The following ERG variants were observed in gnomAD, a reference collection of about 807,000 sequenced individuals.
ERG encodes the protein ETS transcription factor ERG, also known as transcriptional regulator ERG.
ERG carries 9 observed loss-of-function variants against 55.3 expected under a neutral mutation model. The ratio of observed to expected loss-of-function variants is 0.16; its 90% CI spans 0.10 to 0.28. The LOEUF is 0.28. ERG is among the 10% of genes least tolerant of loss of function. The pLI, the probability that ERG is intolerant of heterozygous loss-of-function variation, is 1.00. For synonymous variants in ERG, 223 were observed against 237.3 expected, an observed-to-expected ratio of 0.94 and a Z score of 0.55; for missense variants, 434 against 631.6, an observed-to-expected ratio of 0.69 and a Z score of 3.35.
At chr21:38,370,417 C>A in the ERG span, among the ~76,000 whole-genome samples, 3 of 152,034 alleles carry the variant, frequency 2.0e-5, no homozygotes, top group Non-Finnish European at 4.4e-5. Flanking sequence ...AATTTAAACA[C>A]CCTTAATGTT....
At chr21:38,618,275 T>C (rs552344546) in intron 1 of ERG, among the ~76,000 whole-genome samples, 3,790 of 152,236 alleles carry the variant, frequency 0.025, 47 homozygotes, top group East Asian at 0.05. Context: ...GGGCAGATGA[T>C]CATCTCGGAA....
intron 2 of ERG, among the ~76,000 whole-genome samples, chr21:38,530,358 C>T (rs2146770177): frequency 6.6e-6 from 1 of 152,222 alleles, no homozygotes; most frequent in Non-Finnish European, 1.5e-5. Context: ...CTGCGTCCAG[C>T]AAGAATGAGG....
intron 1 of ERG, among the ~76,000 whole-genome samples, chr21:38,621,946 GGAGACA>G (rs1212111210): frequency 6.6e-6 from 1 of 152,206 alleles, no homozygotes; most frequent in Non-Finnish European, 1.5e-5. Flanking sequence ...CGAAGTTACA[GGAGACA>G]GAGGCTCTCT....
intron 2 of ERG, among the ~76,000 whole-genome samples, chr21:38,535,157 T>C (rs1231891808): frequency 6.6e-6 from 1 of 152,012 alleles, no homozygotes; most frequent in African/African-American, 2.4e-5. Flanking sequence ...AAGGACATTA[T>C]GCTGCGTGAA....
At chr21:38,394,356 C>CTTT (rs903246496) in intron 6 of ERG, among the ~76,000 whole-genome samples, 1 of 139,850 alleles carries the variant, frequency 7.2e-6, no homozygotes, top group Non-Finnish European at 1.5e-5. Flanking sequence ...TGTTTATTAT[C>CTTT]TTTTTTTTTT....
chr21:38,370,784 G>C, the ERG span, among the ~76,000 whole-genome samples: 1 of 151,616 alleles, frequency 6.6e-6, no homozygotes, highest in Non-Finnish European at 1.5e-5. Flanking sequence ...TGTCTCTTTT[G>C]AGCCATCCAT....
At chr21:38,489,073 T>G (rs1424359200) in intron 1 of ERG, among the ~76,000 whole-genome samples, 1 of 152,170 alleles carries the variant, frequency 6.6e-6, no homozygotes, top group Non-Finnish European at 1.5e-5. Flanking sequence ...CATCAGTGCG[T>G]CTCTGGTTGG....
At chr21:38,612,054 A>G (rs1391617586) in intron 1 of ERG, among the ~76,000 whole-genome samples, 1 of 152,224 alleles carries the variant, frequency 6.6e-6, no homozygotes, top group Non-Finnish European at 1.5e-5. Context: ...GCTCTAGCTC[A>G]TAAATAGGAG....
At chr21:38,566,779 T>C (rs2059925599) in intron 2 of ERG, among the ~76,000 whole-genome samples, 1 of 152,238 alleles carries the variant, frequency 6.6e-6, no homozygotes, top group South Asian at 2.1e-4. Context: ...TGTTGATAAC[T>C]ATCAATTATC....
chr21:38,646,438 T>C (rs1008796888), intron 1 of ERG, among the ~76,000 whole-genome samples: 1 of 152,162 alleles, frequency 6.6e-6, no homozygotes, highest in African/African-American at 2.4e-5. Context: ...GGACTGCAGG[T>C]GATGAGGAGA....
chr21:38,421,141 A>G (rs1016012143), intron 3 of ERG, among the ~76,000 whole-genome samples: 1 of 152,192 alleles, frequency 6.6e-6, no homozygotes, highest in African/African-American at 2.4e-5. Flanking sequence ...CAACAGGAAC[A>G]GCCCCCTGTT....
In ERG at chr21:38,383,330, T is replaced by C; in HGVS notation, c.*73A>G. 4 of 1,369,906 alleles carry C rather than the reference T, an allele frequency of 2.9e-6. No homozygotes were observed. Among genetic ancestry groups the C allele is most frequent in the Non-Finnish European group, 3.8e-6 (4 of 1,055,316 alleles). 84.9% of individuals were successfully genotyped at this position (1,369,906 alleles called of 1,614,324 possible). A position where few individuals can be genotyped will look rare whatever the true frequency, so the allele number is the denominator to read the frequency against. Reference sequence around the variant, plus strand: ...TCATTCCTCTTGAGGCACTTTTGATTCATGTTCTCCGATAGAGTTTGTGGC... The same window carrying C: ...TCATTCCTCTTGAGGCACTTTTGATCCATGTTCTCCGATAGAGTTTGTGGC... On this transcript the variant is annotated 3_prime_UTR_variant, in exon 10 of 10. Transcript: ENST00000288319. This position sits in a 1 kb window ranked among gnomAD's most constrained non-coding sequence, Gnocchi z 5.7.
At chr21:38,413,824 G>A (rs1989163585) in intron 3 of ERG, among the ~76,000 whole-genome samples, 1 of 152,110 alleles carries the variant, frequency 6.6e-6, no homozygotes, top group Admixed American at 6.6e-5. Flanking sequence ...CTCCCTGCCT[G>A]GGTTTTCTTT....
At chr21:38,403,277 G>A (rs914119885) in intron 4 of ERG, among the ~76,000 whole-genome samples, 6 of 152,164 alleles carry the variant, frequency 3.9e-5, no homozygotes, top group Non-Finnish European at 7.3e-5. Context: ...GAGTGTTGAA[G>A]TGAATTTTGG....
chr21:38,369,653 G>A, the ERG span, among the ~76,000 whole-genome samples: 2 of 152,074 alleles, frequency 1.3e-5, no homozygotes, highest in Admixed American at 1.3e-4. Context: ...TTTTGCTTTT[G>A]TTCAGTTGCT....
chr21:38,608,486 A>G (rs914469099), intron 1 of ERG, among the ~76,000 whole-genome samples: 2 of 152,250 alleles, frequency 1.3e-5, no homozygotes, highest in Non-Finnish European at 2.9e-5. Flanking sequence ...CAACAGAATT[A>G]TAAACAGAAA....
At chr21:38,650,822 T>C (rs1352257078) in intron 1 of ERG, among the ~76,000 whole-genome samples, 1 of 152,234 alleles carries the variant, frequency 6.6e-6, no homozygotes, top group East Asian at 1.9e-4. Context: ...AAGCCTGTGT[T>C]ATGTGCAACC....
chr21:38,620,407 C>T (rs928799047), intron 1 of ERG, among the ~76,000 whole-genome samples: 1 of 152,190 alleles, frequency 6.6e-6, no homozygotes, highest in Non-Finnish European at 1.5e-5. Context: ...CTGCAAAATC[C>T]CCAGCACACT....
chr21:38,564,148 A>G (rs970299035), intron 2 of ERG, among the ~76,000 whole-genome samples: 1 of 151,806 alleles, frequency 6.6e-6, no homozygotes, highest in Non-Finnish European at 1.5e-5. Context: ...ATCCTGATGA[A>G]GGAAACTGAA....
Sources: gnomAD v4.1 joint callset for allele counts (sites outside exome capture counted in the v4.1 genomes callset) on GRCh38, gnomAD v4.1.1 for gene constraint, Gnocchi (gnomAD v3.1) non-coding constraint, MANE v1.5 for transcripts, NCBI Gene and HGNC (gene_info 2026-07-23, HGNC 2026-07-21) for gene names.